Variants in RAD21 observed in about 807,000 individuals in gnomAD.
RAD21 encodes double-strand-break repair protein rad21 homolog.
A neutral mutation model predicts 71.5 loss-of-function variants in RAD21; 18 were observed. The observed-to-expected ratio is 0.25, with a 90% CI of 0.17 to 0.37. The LOEUF (loss-of-function observed/expected upper bound fraction) is 0.37, where lower values mean the gene tolerates loss of function less well. RAD21 is among the 10% of genes least tolerant of loss of function. The pLI is 1.00. For synonymous variants in RAD21, 248 were observed against 254.0 expected (o/e 0.98, Z 0.22); for missense variants, 493 against 769.1 (o/e 0.64, Z 4.25).
chr8:116,871,792 A>G (rs1017512681), intron 1 of RAD21, among the ~76,000 whole-genome samples: 5 of 152,254 alleles, frequency 3.3e-5, no homozygotes, highest in Non-Finnish European at 5.9e-5. Context: ...GAAGTAAATT[A>G]CTGGCCCATT....
At chr8:116,871,672 G>A (rs1352772341) in intron 1 of RAD21, among the ~76,000 whole-genome samples, 1 of 152,190 alleles carries the variant, frequency 6.6e-6, no homozygotes, top group African/African-American at 2.4e-5. Context: ...TATACTTGGA[G>A]ATGCATATTA....
intron 8 of RAD21, among the ~76,000 whole-genome samples, chr8:116,855,760 G>A (rs1812449207): frequency 6.6e-6 from 1 of 151,854 alleles, no homozygotes; most frequent in Non-Finnish European, 1.5e-5. Context: ...TAGACCAACT[G>A]CACAGCATTT....
intron 7 of RAD21, 106 bp from the exon 8 acceptor site, chr8:116,856,394 C>A (rs1246233297): frequency 7.6e-7 from 1 of 1,323,840 alleles, no homozygotes; most frequent in Non-Finnish European, 9.8e-7. Context: ...GGAAAGAAAT[C>A]CTGTTATTAC....
intron 12 of RAD21, chr8:116,849,290 A>G (rs1812305981): frequency 2.7e-6 from 1 of 366,834 alleles, no homozygotes. Context: ...CGCTATAAGG[A>G]TGCTATCTAC....
At chr8:116,863,511 C>T (rs1227976809) in intron 2 of RAD21, among the ~76,000 whole-genome samples, 2 of 152,070 alleles carry the variant, frequency 1.3e-5, no homozygotes, top group Non-Finnish European at 2.9e-5. Flanking sequence ...CATTAAGGAG[C>T]ACGTAACACT....
chr8:116,872,209 C>A (rs1194312362), intron 1 of RAD21, among the ~76,000 whole-genome samples: 1 of 152,136 alleles, frequency 6.6e-6, no homozygotes, highest in Non-Finnish European at 1.5e-5. Flanking sequence ...AGGTTATATG[C>A]AAATACTACA....
At chr8:116,856,123 C>A in intron 8 of RAD21, 43 bp downstream of exon 8, 1 of 1,578,818 alleles carries the variant, frequency 6.3e-7, no homozygotes, top group Non-Finnish European at 8.6e-7. Context: ...GAAATAGGAC[C>A]TTATGTTGTA....
At chr8:116,848,129 A>C (rs920415221) in intron 13 of RAD21, among the ~76,000 whole-genome samples, 4 of 152,186 alleles carry the variant, frequency 2.6e-5, no homozygotes, top group Non-Finnish European at 5.9e-5. Context: ...ACCCAGACTC[A>C]GGTATTCCTT....
At chr8:116,861,977 C>G (rs992088877) in intron 3 of RAD21, 37 bp from the exon 4 acceptor site, 3 of 1,480,934 alleles carry the variant, frequency 2.0e-6, no homozygotes, top group Non-Finnish European at 2.8e-6. Context: ...ATCTAGCTAC[C>G]CATAAATTAT....
Position 116,847,462 on chromosome 8 carries a change from C to G in RAD21, c.*38G>C. ...TACACATGGGGGCAATTTGTAAGCA[C>G]TAGTGAATCAAACACTAGCTATAAT... is the stretch of plus-strand genomic sequence containing the variant. On this transcript the variant is annotated 3_prime_UTR_variant, in exon 14 of 14. Transcript: ENST00000297338. The G allele has an allele frequency of 6.5e-7, 1 of 1,544,226 alleles. No homozygotes were observed. Among genetic ancestry groups the G allele is most frequent in the Non-Finnish European group, 8.8e-7 (1 of 1,141,036 alleles).
intron 7 of RAD21, 30 bp from the exon 8 acceptor site, chr8:116,856,318 C>G: frequency 7.9e-7 from 1 of 1,267,510 alleles, no homozygotes; most frequent in Non-Finnish European, 1.0e-6. Context: ...AAAAAAAAGT[C>G]ACAAAAAGCT....
chr8:116,863,009 C>T (rs1438756423), intron 3 of RAD21, 121 bp downstream of exon 3: 12 of 1,296,986 alleles, frequency 9.3e-6, no homozygotes, highest in Admixed American at 4.5e-5. Context: ...AAGGGTTCCT[C>T]GTATTTCAAT....
intron 3 of RAD21, among the ~76,000 whole-genome samples, chr8:116,862,791 A>G (rs1812616600): frequency 6.6e-6 from 1 of 152,142 alleles, no homozygotes; most frequent in Admixed American, 6.6e-5. Context: ...TCTGAGCTAT[A>G]TTTTAAAAAA....
chr8:116,859,526 C>G (rs1395065043), intron 4 of RAD21, among the ~76,000 whole-genome samples: 1 of 152,024 alleles, frequency 6.6e-6, no homozygotes, highest in Non-Finnish European at 1.5e-5. Flanking sequence ...TAGGTGTGAA[C>G]CACTATACCT....
intron 13 of RAD21, 73 bp downstream of exon 13, chr8:116,848,873 C>CT (rs745420178): frequency 0.037 from 34,629 of 935,652 alleles, no homozygotes; most frequent in South Asian, 0.044. Context: ...CAGCATCTAA[C>CT]TTTTTTTTTT....
chr8:116,865,080 A>G (rs774151625), intron 2 of RAD21, among the ~76,000 whole-genome samples: 1 of 152,192 alleles, frequency 6.6e-6, no homozygotes, highest in Non-Finnish European at 1.5e-5. Context: ...CTCTGTGGAA[A>G]TATCTTTACA....
In RAD21 at chr8:116,852,072, C is replaced by T; in HGVS notation, c.1346G>A (p.Ser449Asn). ...CTCCATCACTGACTCCTGGAGGCGG[C>T]TTGGCTCTTCAATAATGGGCTCATC... ...VIDEPIIEEP[S>N]RLQESVMEAS... The change falls in exon 11 of 14, where the codon AGC becomes AAC. Residue 449 changes from serine to asparagine, a missense_variant. Transcript: ENST00000297338. The T allele has an allele frequency of 6.2e-7, 1 of 1,609,018 alleles. No homozygotes were observed. Among genetic ancestry groups the T allele is most frequent in the East Asian group, 2.2e-5 (1 of 44,734 alleles).
rs773593714 is a variant in RAD21 at position 116,856,786 on chromosome 8, G to GTT, written c.689-16_689-15insAA. ...AAGTTTGTCATCTGAAATAGGGAAT[G>GTT]TAAGTTAGTTATAATTTGAAAAAGA... On this transcript the variant is annotated splice_polypyrimidine_tract_variant and intron_variant, in intron 6 of 13. Transcript: ENST00000297338. The GTT allele has an allele frequency of 6.8e-7, 1 of 1,480,242 alleles. No individual in the cohort carries two copies. The highest frequency in any genetic ancestry group is 2.5e-5 in the East Asian group (1 of 40,812). 91.7% of individuals were successfully genotyped at this position (1,480,242 alleles called of 1,614,324 possible). A position where few individuals can be genotyped will look rare whatever the true frequency, so the allele number is the denominator to read the frequency against.
Position 116,856,786 on chromosome 8 carries a change from G to GT in RAD21, c.689-16dup, listed in dbSNP as rs773593714. On this transcript the variant is annotated splice_polypyrimidine_tract_variant and intron_variant, in intron 6 of 13. Transcript: ENST00000297338. ...AAGTTTGTCATCTGAAATAGGGAAT[G>GT]TAAGTTAGTTATAATTTGAAAAAGA... The GT allele has an allele frequency of 7.4e-6, 11 of 1,480,242 alleles. No individual in the cohort carries two copies. The highest frequency in any genetic ancestry group is 2.9e-5 in the African/African-American group (2 of 69,858). 91.7% of individuals were successfully genotyped at this position (1,480,242 alleles called of 1,614,324 possible). A position where few individuals can be genotyped will look rare whatever the true frequency, so the allele number is the denominator to read the frequency against.
Sources: allele counts gnomAD v4.1 joint callset (sites outside exome capture counted in the v4.1 genomes callset), GRCh38; gene constraint gnomAD v4.1.1; transcripts MANE v1.5; gene names NCBI Gene and HGNC (gene_info 2026-07-23, HGNC 2026-07-21).